Variants in ADGRE5 observed in about 807,000 individuals in gnomAD.
The protein encoded by ADGRE5 is CD97 molecule.
A neutral mutation model predicts 100.3 loss-of-function variants in ADGRE5; 72 were observed. The observed-to-expected ratio is 0.72, with a 90% CI of 0.59 to 0.87. The LOEUF (loss-of-function observed/expected upper bound fraction) is 0.87, where lower values mean the gene tolerates loss of function less well. Ranked by LOEUF, ADGRE5 falls within the 40% of genes least tolerant of loss-of-function variation. ADGRE5 has a pLI of 0.00. For missense variants in ADGRE5, 959 were observed against 1,094.7 expected (o/e 0.88, Z 1.75); for synonymous variants, 439 against 447.8 (o/e 0.98, Z 0.25).
chr19:14,401,859 G>A lies in ADGRE5; in HGVS notation c.1183+99G>A, dbSNP rs117430893. The A allele has an allele frequency of 2.7e-3, 2,097 of 763,422 alleles. 59 individuals are homozygous for A. The East Asian group carries it at 0.057, about 21-fold the overall frequency. 47.3% of individuals were successfully genotyped at this position (763,422 alleles called of 1,614,324 possible). On this transcript the variant is annotated intron_variant, in intron 11 of 19. Transcript: ENST00000242786. This position sits in a 1 kb window ranked among gnomAD's most constrained non-coding sequence, Gnocchi z 4.1. Reference sequence around the variant, plus strand: ...CAGAATAGAACAACTGACTGGGCGCGGTGGCTCACGCCTGCAATCCCAGCA... The same window carrying A: ...CAGAATAGAACAACTGACTGGGCGCAGTGGCTCACGCCTGCAATCCCAGCA...
At chr19:14,399,563 CAAAAAAAAA>C (rs764605166) in intron 9 of ADGRE5, among the ~76,000 whole-genome samples, 9 of 31,852 alleles carry the variant, frequency 2.8e-4, no homozygotes, top group African/African-American at 3.9e-4. Flanking sequence ...GACTCCGTCT[CAAAAAAAAA>C]AAAAAAAAAA....
chr19:14,389,332 G>C (rs1599614212), intron 3 of ADGRE5, among the ~76,000 whole-genome samples: 1 of 34,796 alleles, frequency 2.9e-5, no homozygotes, highest in African/African-American at 2.2e-4. Context: ...GGGGAGGGAG[G>C]GGGGAAGGGG....
At chr19:14,383,534 A>C (rs2146341837) in intron 1 of ADGRE5, among the ~76,000 whole-genome samples, 1 of 152,064 alleles carries the variant, frequency 6.6e-6, no homozygotes, top group East Asian at 1.9e-4. Flanking sequence ...AATTATGATG[A>C]TTATTAAATT....
Position 14,401,436 on chromosome 19 carries a change from G to C in ADGRE5, c.948G>C (p.Glu316Asp). ...DELMEAPGDV[E>D]ALAPPVRHLI... ...TGATGGAAGCTCCTGGAGACGTAGA[G>C]GCCCTGGCGCCACCTGTCCGGCACC... Residue 316 changes from glutamate to aspartate, a missense_variant, in exon 10 of 20, where the codon GAG becomes GAC. By Grantham distance (45) the Glu-to-Asp change is conservative. Coordinates refer to ENST00000242786, the MANE Select transcript of ADGRE5 (RefSeq NM_078481.4). This position sits in a 1 kb window ranked among gnomAD's most constrained non-coding sequence, Gnocchi z 4.1. The C allele has an allele frequency of 6.2e-7, 1 of 1,614,160 alleles. No homozygotes were observed. Among genetic ancestry groups the C allele is most frequent in the South Asian group, 1.1e-5 (1 of 91,082 alleles).
At position 14,388,598 on chromosome 19, in the gene ADGRE5, G is replaced by GC. The variant is rs2146348758; in HGVS notation, c.73+99dup. 7 of 1,537,894 alleles carry GC rather than the reference G, an allele frequency of 4.6e-6. No homozygotes were observed. In the South Asian group the frequency reaches 4.6e-5, roughly 10 times the overall value. On this transcript the variant is annotated intron_variant, in intron 2 of 19. Coordinates refer to ENST00000242786, the MANE Select transcript of ADGRE5 (RefSeq NM_078481.4). ...CCCCTTCAGCCCAGGGAAAGAGAGG[G>GC]CTCGCGCACGAGAAACTCAGCGCCC...
rs145838612 is a variant in ADGRE5, at chr19:14,398,397, C to T, written c.897+258C>T. 7.5e-3 allele frequency: 3,464 copies of T among 459,786 alleles called. 19 individuals are homozygous for T. The highest frequency in any genetic ancestry group is 0.018 in the Middle Eastern group (28 of 1,596). The allele number at this position is 459,786 out of a possible 1,614,324, so 28.5% of individuals were successfully genotyped here. A position where few individuals can be genotyped will look rare whatever the true frequency, so the allele number is the denominator to read the frequency against. On this transcript the variant is annotated intron_variant, in intron 9 of 19. Coordinates refer to ENST00000242786, the MANE Select transcript of ADGRE5 (RefSeq NM_078481.4). The stretch of plus-strand genomic sequence containing the variant: ...AAGAACCTGGAGTTGAGGCCGGGCA[C>T]GGTGGCTCACGCCTGTAATCCCAGC...
At chr19:14,385,129 A>G (rs893876726) in intron 1 of ADGRE5, among the ~76,000 whole-genome samples, 2 of 134,754 alleles carry the variant, frequency 1.5e-5, no homozygotes, top group African/African-American at 5.7e-5. Context: ...TCCTGCCTCC[A>G]CCTCCCAAAT....
intron 19 of ADGRE5, 33 bp downstream of exon 19, chr19:14,408,042 G>A: frequency 6.2e-7 from 1 of 1,614,066 alleles, no homozygotes. Flanking sequence ...GGTGTGGGCA[G>A]GAAGGCACCA....
chr19:14,388,745 C>T lies in ADGRE5; in HGVS notation c.117C>T (p.Ala39=), dbSNP rs760134246. 3 of 1,613,950 alleles carry T rather than the reference C, an allele frequency of 1.9e-6. No individual in the cohort carries two copies. Among genetic ancestry groups the T allele is most frequent in the Non-Finnish European group, 2.5e-6 (3 of 1,180,016 alleles). Residue 39 remains alanine, a synonymous_variant, in exon 3 of 20, where the codon GCC becomes GCT. Transcript: ENST00000242786. ...CTCAGAACTCCTCGTGTGTCAATGC[C>T]ACCGCCTGTCGCTGCAATCCAGGGT... is the stretch of plus-strand genomic sequence containing the variant. ...WCPQNSSCVN[A]TACRCNPGFS...
chr19:14,407,127 C>G lies in ADGRE5; in HGVS notation c.2274C>G (p.Phe758Leu), dbSNP rs1190993007. 1.9e-6 allele frequency: 3 copies of G among 1,614,172 alleles called. No individual in the cohort carries two copies. Among genetic ancestry groups the G allele is most frequent in the Non-Finnish European group, 2.5e-6 (3 of 1,180,034 alleles). ...GCTGCACCTGGGTCTTTGGCCTGTT[C>G]ATCTTCGACGATCGGAGCTTGGTGC... is the stretch of plus-strand genomic sequence containing the variant. ...LLGCTWVFGL[F>L]IFDDRSLVLT... Residue 758 changes from phenylalanine (F) to leucine (L), a missense_variant, in exon 18 of 20, where the codon TTC becomes TTG. Around this residue, in one of 6 missense-constraint regions of ADGRE5, gnomAD observed 428 missense variants for 386.2 expected, o/e 1.11. Transcript: ENST00000242786.
At position 14,396,450 on chromosome 19, in the gene ADGRE5, C is replaced by G. The variant is rs1356082031; in HGVS notation, c.455C>G (p.Pro152Arg). 1 of 1,614,294 alleles carries G rather than the reference C, an allele frequency of 6.2e-7. No individual in the cohort carries two copies. ...TGCCTGCCTGGCTTCAAGTTCATAC[C>G]TGAGGATCCGAAGGTCTGCACAGGT... ...CQCLPGFKFI[P>R]EDPKVCTDVN... The change falls in exon 5 of 20, where the codon CCT becomes CGT. Residue 152 changes from proline (P) to arginine (R), a missense_variant. Transcript: ENST00000242786.
chr19:14,393,075 T>TGC (rs1284808643), intron 4 of ADGRE5, among the ~76,000 whole-genome samples: 1 of 151,030 alleles, frequency 6.6e-6, no homozygotes, highest in African/African-American at 2.4e-5. Flanking sequence ...GTGGCCGGCA[T>TGC]CTGTAGTCCC....
At chr19:14,394,249 G>A (rs1198832960) in intron 4 of ADGRE5, among the ~76,000 whole-genome samples, 2 of 152,146 alleles carry the variant, frequency 1.3e-5, no homozygotes, top group African/African-American at 4.8e-5. Context: ...CTGCTGGTTT[G>A]GAGCAGGACC....
Position 14,408,584 on chromosome 19 carries a change from G to A in ADGRE5, c.*463G>A. 1 of 438,470 alleles carries A rather than the reference G, an allele frequency of 2.3e-6. No individual in the cohort carries two copies. The allele number at this position is 438,470 out of a possible 1,614,324, so 27.2% of individuals were successfully genotyped here. A position where few individuals can be genotyped will look rare whatever the true frequency, so the allele number is the denominator to read the frequency against. ...AGGCCCCTTGGGGCCACTGCCTGAG[G>A]CTCACGGTACAGAGGCCTGCCCTGC... On this transcript the variant is annotated 3_prime_UTR_variant, in exon 20 of 20. Coordinates refer to ENST00000242786, the MANE Select transcript of ADGRE5 (RefSeq NM_078481.4).
rs1166698270 is a variant in ADGRE5, at chr19:14,406,410, G to T, written c.1901G>T (p.Gly634Val). Reference protein sequence around the residue: ...LAAFCWMSLEGLELYFLVVRV... With the variant: ...LAAFCWMSLEVLELYFLVVRV... ...GCCTTCTGCTGGATGAGCCTCGAAGGCCTGGAGCTCTACTTTCTTGTGGTG... is the reference window on the plus strand; with the variant it reads ...GCCTTCTGCTGGATGAGCCTCGAAGTCCTGGAGCTCTACTTTCTTGTGGTG... Residue 634 changes from glycine to valine, a missense_variant, in exon 15 of 20, where the codon GGC (glycine) becomes GTC (valine). Gly to Val is a moderately radical substitution (Grantham distance 109). Around this residue, in one of 6 missense-constraint regions of ADGRE5, gnomAD observed 428 missense variants for 386.2 expected, o/e 1.11. Coordinates refer to ENST00000242786, the MANE Select transcript of ADGRE5 (RefSeq NM_078481.4). The surrounding 1 kb of genome is among the most constrained non-coding windows in gnomAD (Gnocchi z 6.0). 6.3e-7 allele frequency: 1 copy of T among 1,592,490 alleles called. No individual in the cohort carries two copies. The highest frequency in any genetic ancestry group is 1.8e-5 in the Admixed American group (1 of 56,544).
intron 3 of ADGRE5, among the ~76,000 whole-genome samples, chr19:14,389,637 G>A (rs1975523061): frequency 6.6e-6 from 1 of 151,750 alleles, no homozygotes; most frequent in Non-Finnish European, 1.5e-5. Flanking sequence ...TCGGGAGGCT[G>A]AGGCAGGAGA....
chr19:14,394,937 G>T (rs1053958788), intron 4 of ADGRE5, among the ~76,000 whole-genome samples: 1 of 152,082 alleles, frequency 6.6e-6, no homozygotes, highest in African/African-American at 2.4e-5. Context: ...GGGCCTGAAC[G>T]CACCGTCAAT....
rs187745951 is a variant in ADGRE5, at chr19:14,397,226, C to T, written c.625+3C>T. ...CCCAAACAATACCGTCTGTGAAGGT[C>T]GAGAGCTCAGATCCCACGTTTCTAG... is the stretch of plus-strand genomic sequence containing the variant. On this transcript the variant is annotated splice_donor_region_variant and intron_variant, in intron 6 of 19. Coordinates refer to ENST00000242786, the MANE Select transcript of ADGRE5 (RefSeq NM_078481.4). 31 of 1,614,012 alleles carry T rather than the reference C, an allele frequency of 1.9e-5. No homozygotes were observed. The East Asian group carries it at 4.2e-4, about 22-fold the overall frequency.
chr19:14,390,916 T>C lies in ADGRE5; in HGVS notation c.191-8T>C, dbSNP rs1975578309. 1 of 1,613,878 alleles carries C rather than the reference T, an allele frequency of 6.2e-7. No homozygotes were observed. Among genetic ancestry groups the C allele is most frequent in the Non-Finnish European group, 8.5e-7 (1 of 1,179,924 alleles). On this transcript the variant is annotated splice_polypyrimidine_tract_variant and splice_region_variant and intron_variant, in intron 3 of 19. Coordinates refer to ENST00000242786, the MANE Select transcript of ADGRE5 (RefSeq NM_078481.4). Reference sequence around the variant, plus strand: ...TGGGAGGTGACTCCCTGTCCTGTTGTGTTCCAGACATCAACGAGTGTGCAA... The same window carrying C: ...TGGGAGGTGACTCCCTGTCCTGTTGCGTTCCAGACATCAACGAGTGTGCAA...
Sources: allele counts gnomAD v4.1 joint callset (sites outside exome capture counted in the v4.1 genomes callset), GRCh38; gene constraint gnomAD v4.1.1; regional missense constraint gnomAD v4.1.1; non-coding constraint Gnocchi (gnomAD v3.1); transcripts MANE v1.5; gene names NCBI Gene and HGNC (gene_info 2026-07-23, HGNC 2026-07-21).